INPP4B: variants seen among roughly 807,000 people sequenced by gnomAD.
The protein encoded by INPP4B is inositol polyphosphate 4-phosphatase type II.
Under a neutral mutation model 122.5 loss-of-function variants are expected in INPP4B, and 55 were observed. The ratio of observed to expected loss-of-function variants is 0.45; its 90% CI spans 0.36 to 0.56. INPP4B has a LOEUF of 0.56. INPP4B is among the 20% of genes least tolerant of loss of function. The pLI, the probability that INPP4B is intolerant of heterozygous loss-of-function variation, is 0.00. For missense variants in INPP4B, 1,000 were observed against 1,097.7 expected (o/e 0.91, Z 1.26); for synonymous variants, 403 against 388.7 (o/e 1.04, Z -0.43).
intron 2 of INPP4B, among the ~76,000 whole-genome samples, chr4:142,713,626 C>T (rs1254423752): frequency 2.6e-5 from 4 of 152,308 alleles, no homozygotes; most frequent in Non-Finnish European, 4.4e-5. Context: ...AATAATCTCC[C>T]ATTTGATGCC....
chr4:142,575,971 T>G (rs2150177857), intron 2 of INPP4B, among the ~76,000 whole-genome samples: 1 of 152,164 alleles, frequency 6.6e-6, no homozygotes, highest in Non-Finnish European at 1.5e-5. Context: ...TTCCCACCTG[T>G]GCCCTTTCAT....
chr4:142,635,217 G>A (rs1748850186), intron 2 of INPP4B, among the ~76,000 whole-genome samples: 1 of 152,150 alleles, frequency 6.6e-6, no homozygotes, highest in South Asian at 2.1e-4. Context: ...AACAGATGCT[G>A]GAGAGGTTGC....
intron 1 of INPP4B, among the ~76,000 whole-genome samples, chr4:142,732,485 T>G (rs1766251823): frequency 6.6e-6 from 1 of 152,208 alleles, no homozygotes; most frequent in South Asian, 2.1e-4. Flanking sequence ...TAGATTTAAT[T>G]AGTAAATTTA....
intron 2 of INPP4B, among the ~76,000 whole-genome samples, chr4:142,531,223 C>T (rs1827570711): frequency 6.7e-6 from 1 of 150,146 alleles, no homozygotes; most frequent in African/African-American, 2.5e-5. Context: ...TACTAATAGT[C>T]ATGACTTAAA....
At chr4:142,251,496 TC>T (rs1398334133) in intron 11 of INPP4B, among the ~76,000 whole-genome samples, 1 of 152,138 alleles carries the variant, frequency 6.6e-6, no homozygotes, top group Non-Finnish European at 1.5e-5. Context: ...CACTAATAAC[TC>T]AGATGCTTTT....
intron 11 of INPP4B, among the ~76,000 whole-genome samples, chr4:142,249,415 ACT>A (rs1730818525): frequency 6.7e-6 from 1 of 149,652 alleles, no homozygotes; most frequent in African/African-American, 2.5e-5. Flanking sequence ...TGTCTTTAAA[ACT>A]TTTTTTAATG....
intron 7 of INPP4B, among the ~76,000 whole-genome samples, chr4:142,319,436 T>A (rs1416516169): frequency 6.6e-6 from 1 of 152,154 alleles, no homozygotes; most frequent in Admixed American, 6.5e-5. Context: ...CTTGTTCTAC[T>A]TGGAAGGAGA....
chr4:142,246,310 T>G (rs1244778619), intron 11 of INPP4B, among the ~76,000 whole-genome samples: 1 of 152,104 alleles, frequency 6.6e-6, no homozygotes, highest in African/African-American at 2.4e-5. Context: ...AAATTTAAAG[T>G]AGTTTTTTCT....
intron 2 of INPP4B, among the ~76,000 whole-genome samples, chr4:142,472,574 C>T (rs1819052986): frequency 6.6e-6 from 1 of 152,064 alleles, no homozygotes; most frequent in Non-Finnish European, 1.5e-5. Flanking sequence ...TCTTTATGTT[C>T]CCATTTTAGA....
At chr4:142,831,051 A>C (rs1199762358) in intron 1 of INPP4B, among the ~76,000 whole-genome samples, 1 of 151,580 alleles carries the variant, frequency 6.6e-6, no homozygotes, top group Non-Finnish European at 1.5e-5. Context: ...TAGATGCAAG[A>C]GTGTAGTAGA....
rs370885553 is a variant in INPP4B at position 142,488,783 on chromosome 4, T to C, written c.-190-26057A>G. 2.5e-4 allele frequency among the ~76,000 whole-genome samples: 38 copies of C among 152,268 alleles called. No individual in the cohort carries two copies. The South Asian group carries it at 7.9e-3, about 32-fold the overall frequency. On this transcript the variant is annotated intron_variant, in intron 2 of 25. Transcript: ENST00000262992. ...TGTACTTTTCTTTCTTAATCTGCCT[T>C]GCTGAGGTGCATCCTTCTGATTGAT...
At chr4:142,276,418 A>C (rs1284138942) in intron 9 of INPP4B, among the ~76,000 whole-genome samples, 3 of 151,830 alleles carry the variant, frequency 2.0e-5, no homozygotes, top group African/African-American at 2.4e-5. Context: ...CCACCTCATC[A>C]CATACCATTA....
At chr4:142,317,148 A>G (rs1487297735) in intron 7 of INPP4B, 1 of 156,108 alleles carries the variant, frequency 6.4e-6, no homozygotes, top group African/African-American at 2.4e-5. Context: ...AGGATATGAT[A>G]AAACAAGCAG....
chr4:142,297,324 A>G (rs3113515), intron 9 of INPP4B, among the ~76,000 whole-genome samples: 116,077 of 152,132 alleles, frequency 0.76, 45,575 homozygotes, highest in East Asian at 0.93. Flanking sequence ...CCAGATCCAG[A>G]GTTAAGTCAA....
chr4:142,188,331 C>G (rs1561425186), intron 15 of INPP4B, among the ~76,000 whole-genome samples: 1 of 150,344 alleles, frequency 6.7e-6, no homozygotes, highest in African/African-American at 2.4e-5. Context: ...ACTAAAAATA[C>G]AAAAAATTAG....
intron 2 of INPP4B, among the ~76,000 whole-genome samples, chr4:142,662,158 C>T (rs1361770699): frequency 2.6e-5 from 4 of 151,972 alleles, no homozygotes; most frequent in African/African-American, 7.2e-5. Context: ...TGGCGTGAAC[C>T]TGGCAGGCGG....
chr4:142,506,490 C>G (rs181806954), intron 2 of INPP4B, among the ~76,000 whole-genome samples: 2 of 152,152 alleles, frequency 1.3e-5, no homozygotes, highest in Admixed American at 1.3e-4. Context: ...CAAGCAGCAG[C>G]CTGTTATAGA....
chr4:142,513,445 T>TC (rs1462829928), intron 2 of INPP4B, among the ~76,000 whole-genome samples: 2 of 151,838 alleles, frequency 1.3e-5, no homozygotes, highest in African/African-American at 4.8e-5. Context: ...CTCCCTCTTG[T>TC]CCCCCAGGCT....
intron 3 of INPP4B, among the ~76,000 whole-genome samples, chr4:142,436,978 G>T (rs1810670630): frequency 1.3e-5 from 2 of 151,982 alleles, no homozygotes; most frequent in South Asian, 4.1e-4. Flanking sequence ...AGGTAAAGAA[G>T]AATGTTCTAA....
Sources: gnomAD v4.1 joint callset for allele counts (sites outside exome capture counted in the v4.1 genomes callset) on GRCh38, gnomAD v4.1.1 for gene constraint, MANE v1.5 for transcripts, NCBI Gene and HGNC (gene_info 2026-07-23, HGNC 2026-07-21) for gene names.